The following C12orf42 variants were observed in gnomAD, a reference collection of about 807,000 sequenced individuals.
C12orf42 encodes the protein uncharacterized protein C12orf42.
Under a neutral mutation model 21.6 loss-of-function variants are expected in C12orf42, and 25 were observed. The ratio of observed to expected loss-of-function variants is 1.16; its 90% CI spans 0.84 to 1.62. C12orf42 has a LOEUF of 1.62. Among genes scored for constraint, C12orf42 ranks in the 40% most tolerant of loss-of-function variants. C12orf42 has a pLI of 0.00. For missense variants in C12orf42, 483 were observed against 459.3 expected (o/e 1.05, Z -0.47); for synonymous variants, 174 against 175.0 (o/e 0.99, Z 0.05).
the C12orf42 span, among the ~76,000 whole-genome samples, chr12:103,522,368 G>A: frequency 1.3e-5 from 2 of 152,136 alleles, no homozygotes; most frequent in South Asian, 2.1e-4. Context: ...CCAGTCTTGG[G>A]TATGTCTTTA....
chr12:103,307,233 A>G (rs191182750), intron 4 of C12orf42, among the ~76,000 whole-genome samples: 80 of 152,304 alleles, frequency 5.3e-4, no homozygotes, highest in Non-Finnish European at 1.5e-5. Context: ...ACTTGAATCC[A>G]CATCTGTCAA....
At chr12:103,419,341 A>G (rs2049658690) in intron 2 of C12orf42, among the ~76,000 whole-genome samples, 1 of 152,204 alleles carries the variant, frequency 6.6e-6, no homozygotes. Flanking sequence ...GATACGTTTT[A>G]TACTTGATCT....
chr12:103,244,373 G>A (rs574423556), intron 10 of C12orf42, among the ~76,000 whole-genome samples: 1 of 151,950 alleles, frequency 6.6e-6, no homozygotes, highest in African/African-American at 2.4e-5. Context: ...TTTGGTCCAT[G>A]CATAGGTTGG....
At chr12:103,057,621 T>G in the C12orf42 span, among the ~76,000 whole-genome samples, 1 of 152,138 alleles carries the variant, frequency 6.6e-6, no homozygotes, top group Admixed American at 6.5e-5. Context: ...TTTGGGTTGG[T>G]TCCAAGTCTT....
chr12:103,367,706 A>G (rs1448312956), intron 4 of C12orf42, among the ~76,000 whole-genome samples: 2 of 151,996 alleles, frequency 1.3e-5, no homozygotes, highest in African/African-American at 2.4e-5. Context: ...AGAAGTAGGA[A>G]AAAGACTGTC....
At chr12:103,353,443 T>G (rs780599451) in intron 4 of C12orf42, among the ~76,000 whole-genome samples, 2 of 152,118 alleles carry the variant, frequency 1.3e-5, no homozygotes, top group Non-Finnish European at 2.9e-5. Flanking sequence ...CCACATGGAT[T>G]AGGAAACTGC....
At chr12:103,224,180 C>T in the C12orf42 span, among the ~76,000 whole-genome samples, 5 of 151,790 alleles carry the variant, frequency 3.3e-5, no homozygotes, top group Admixed American at 1.3e-4. Context: ...ACTCAGGTCA[C>T]GTTGAGTAAA....
chr12:103,207,795 A>T, the C12orf42 span, among the ~76,000 whole-genome samples: 1 of 152,152 alleles, frequency 6.6e-6, no homozygotes. Context: ...CTTCTTGAAG[A>T]TCCGTTGTTC....
chr12:103,200,876 C>T, the C12orf42 span, among the ~76,000 whole-genome samples: 1 of 152,186 alleles, frequency 6.6e-6, no homozygotes, highest in Non-Finnish European at 1.5e-5. Flanking sequence ...GGAACAATTA[C>T]AATCAACACA....
Position 103,304,721 on chromosome 12 carries a change from T to G in C12orf42, c.631+1253A>C, listed in dbSNP as rs142442234. On this transcript the variant is annotated intron_variant, in intron 5 of 5. Transcript: ENST00000548883. The stretch of plus-strand genomic sequence containing the variant: ...TTTCAACATATTGCCTTGTTCATAG[T>G]AAGAATTCAAAAGTGTTAGCCGACC... Among the ~76,000 whole-genome samples the G allele has an allele frequency of 2.0e-4, 30 of 152,284 alleles. No individual in the cohort carries two copies. The East Asian group carries it at 5.4e-3, about 27-fold the overall frequency.
chr12:103,089,121 A>AAAAAAAAAAAAC, the C12orf42 span, among the ~76,000 whole-genome samples: 1 of 150,910 alleles, frequency 6.6e-6, no homozygotes, highest in African/African-American at 2.4e-5. Context: ...AAAAAAAAAA[A>AAAAAAAAAAAAC]AAAGAATCAA....
At chr12:103,259,572 C>T (rs1402280189) in intron 10 of C12orf42, among the ~76,000 whole-genome samples, 1 of 152,194 alleles carries the variant, frequency 6.6e-6, no homozygotes, top group South Asian at 2.1e-4. Flanking sequence ...AGCCACCATG[C>T]CTGGCCATCT....
At chr12:103,384,040 T>G (rs2046396828) in intron 3 of C12orf42, among the ~76,000 whole-genome samples, 1 of 152,216 alleles carries the variant, frequency 6.6e-6, no homozygotes, top group Non-Finnish European at 1.5e-5. Context: ...TAGATTTTCA[T>G]GACTCCAGCG....
At chr12:103,084,005 T>C in the C12orf42 span, among the ~76,000 whole-genome samples, 1 of 152,228 alleles carries the variant, frequency 6.6e-6, no homozygotes, top group African/African-American at 2.4e-5. Flanking sequence ...ATTTAGTAAA[T>C]GATAACTGCA....
chr12:103,196,414 T>C, the C12orf42 span, among the ~76,000 whole-genome samples: 12 of 151,936 alleles, frequency 7.9e-5, no homozygotes, highest in African/African-American at 2.9e-4. Context: ...TATTCTGTTG[T>C]TGTTGGGCAG....
Position 103,258,549 on chromosome 12 carries a change from A to G in C12orf42, c.*1366+4777T>C, listed in dbSNP as rs571465875. On this transcript the variant is annotated intron_variant and NMD_transcript_variant, in intron 10 of 10. Transcript: ENST00000547347. ...ATATATATGTTTTAAAAATATATAG[A>G]GAAATCAAAAAATAAGAATAAAATA... Among the ~76,000 whole-genome samples the G allele has an allele frequency of 2.0e-5, 3 of 151,958 alleles. No individual in the cohort carries two copies. The East Asian group carries it at 5.8e-4, about 29-fold the overall frequency.
intron 4 of C12orf42, among the ~76,000 whole-genome samples, chr12:103,334,199 C>T (rs957812115): frequency 6.6e-6 from 1 of 152,058 alleles, no homozygotes; most frequent in East Asian, 1.9e-4. Flanking sequence ...CTCTGAAGAA[C>T]AAAAAAATTA....
intron 2 of C12orf42, among the ~76,000 whole-genome samples, chr12:103,437,173 T>A (rs1950792143): frequency 6.6e-6 from 1 of 151,582 alleles, no homozygotes; most frequent in Admixed American, 6.6e-5. Context: ...CATAATGAAA[T>A]GAAGGCAGAA....
intron 4 of C12orf42, among the ~76,000 whole-genome samples, chr12:103,332,386 A>G (rs1473922639): frequency 6.6e-6 from 1 of 152,222 alleles, no homozygotes; most frequent in African/African-American, 2.4e-5. Flanking sequence ...CCAATTTCTT[A>G]GACAGTGAAG....
Sources: gnomAD v4.1 joint callset for allele counts (sites outside exome capture counted in the v4.1 genomes callset) on GRCh38, gnomAD v4.1.1 for gene constraint, MANE v1.5 for transcripts, NCBI Gene and HGNC (gene_info 2026-07-23, HGNC 2026-07-21) for gene names.